Variants in SYT15 observed in about 807,000 individuals in gnomAD.
The protein encoded by SYT15 is synaptotagmin-15.
Under a neutral mutation model 30.1 loss-of-function variants are expected in SYT15, and 4 were observed. The observed-to-expected ratio is 0.13, with a 90% CI of 0.07 to 0.30. The LOEUF is 0.30. Ranked by LOEUF, SYT15 falls within the 10% of genes least tolerant of loss-of-function variation. The pLI, the probability that SYT15 is intolerant of heterozygous loss-of-function variation, is 1.00. For missense variants in SYT15, 49 were observed against 371.7 expected, an observed-to-expected ratio of 0.13 and a Z score of 7.14; for synonymous variants, 19 against 166.3, an observed-to-expected ratio of 0.11 and a Z score of 6.82.
At chr10:46,595,190 C>T (rs1443567582), downstream of SYT15, among the ~76,000 whole-genome samples, 8 of 130,132 alleles carry the variant, frequency 6.1e-5, no homozygotes, top group African/African-American at 9.5e-5. Context: ...TGCAGTGGCG[C>T]CATCTCAGCT....
intron 7 of SYT15, among the ~76,000 whole-genome samples, chr10:46,586,348 C>T (rs1318511630): frequency 6.1e-5 from 8 of 131,580 alleles, no homozygotes; most frequent in African/African-American, 2.0e-4. Flanking sequence ...AGATCGAGAC[C>T]GTCCTGGCTA....
intron 2 of SYT15, 74 bp from the exon 3 acceptor site, chr10:46,580,820 A>G: frequency 1.6e-6 from 2 of 1,287,544 alleles, no homozygotes; most frequent in Non-Finnish European, 2.1e-6. Flanking sequence ...CTGGTGCTCA[A>G]CCGTCCTGGC....
At chr10:46,597,050 A>C (rs1262544416), downstream of SYT15, among the ~76,000 whole-genome samples, 2 of 142,662 alleles carry the variant, frequency 1.4e-5, no homozygotes, top group Non-Finnish European at 3.0e-5. Context: ...TGACCTGCAG[A>C]GTAAGTTTGA....
rs782314025 is a variant in SYT15 at position 46,581,975 on chromosome 10, C to A, written c.435C>A (p.Asp145Glu). 9.5e-6 allele frequency: 15 copies of A among 1,572,860 alleles called. 1 individual carries two copies. The Admixed American group carries it at 2.6e-4, about 27-fold the overall frequency. ...ACAAAAGTGAGACCGACTTCCCCGACGGCTGCCTGGGGCGGCTGTGGTTCT... is the reference window on the plus strand; with the variant it reads ...ACAAAAGTGAGACCGACTTCCCCGAAGGCTGCCTGGGGCGGCTGTGGTTCT... Reference protein sequence around the residue: ...PEDKSETDFPDGCLGRLWFSV... With the variant: ...PEDKSETDFPEGCLGRLWFSV... The change falls in exon 4 of 8, where the codon GAC (aspartate) becomes GAA (glutamate). Residue 145 changes from aspartate (D) to glutamate (E), a missense_variant. Physicochemically the swap from Asp to Glu is conservative, Grantham distance 45. Coordinates refer to ENST00000374321, the MANE Select transcript of SYT15 (RefSeq NM_031912.5).
chr10:46,595,321 CCTTT>C (rs1208502400), downstream of SYT15, among the ~76,000 whole-genome samples: 163 of 149,362 alleles, frequency 1.1e-3, no homozygotes, highest in African/African-American at 4.0e-3. Context: ...TCCTTTCTTT[CCTTT>C]CTTTCTTTCA....
At chr10:46,596,026 C>G (rs1298728542), downstream of SYT15, 2 of 146,340 alleles carry the variant, frequency 1.4e-5, no homozygotes, top group Non-Finnish European at 3.0e-5. Context: ...AACTGCAACA[C>G]TACAGGGCAA....
chr10:46,581,990 GC>G lies in SYT15; in HGVS notation c.451del (p.Leu151CysfsTer18), dbSNP rs782048602. ...ACTTCCCCGACGGCTGCCTGGGGCG[GC>G]TGTGGTTCTCGGTGGAATATGAGCA... is the stretch of plus-strand genomic sequence containing the variant. ...TDFPDGCLGR[L>X]WFSVEYEQEA... On this transcript the variant is annotated frameshift_variant, in exon 4 of 8. Coordinates refer to ENST00000374321, the MANE Select transcript of SYT15 (RefSeq NM_031912.5). LOFTEE classifies it high-confidence loss of function. The G allele has an allele frequency of 1.9e-6, 3 of 1,580,476 alleles. No individual in the cohort carries two copies. The African/African-American group carries it at 4.6e-5, about 24-fold the overall frequency.
chr10:46,596,783 A>G (rs1288671124), downstream of SYT15: 2 of 431,282 alleles, frequency 4.6e-6, no homozygotes, highest in East Asian at 7.1e-5. Context: ...CTACCCGCCC[A>G]ATGCCTGGAG....
chr10:46,582,218 T>G (rs781909782), intron 4 of SYT15, 27 bp downstream of exon 4: 2 of 1,609,536 alleles, frequency 1.2e-6, no homozygotes, highest in African/African-American at 2.7e-5. Flanking sequence ...AGGCAGGGTC[T>G]GGTGCCCTCC....
In SYT15 at chr10:46,591,372, G is replaced by GTAAA. The variant is rs782513544; in HGVS notation, c.*3742_*3745dup. The stretch of plus-strand genomic sequence containing the variant: ...GACTCTGTCTCCAAAAATAAAATAA[G>GTAAA]TAAATAAATAAATAAATAAAATTTA... On this transcript the variant is annotated 3_prime_UTR_variant, in exon 8 of 8. Transcript: ENST00000374321. 1.9e-4 allele frequency: 14 copies of GTAAA among 71,886 alleles called. No individual in the cohort carries two copies. Among genetic ancestry groups the GTAAA allele is most frequent in the African/African-American group, 3.3e-4 (5 of 15,340 alleles). The allele number at this position is 71,886 out of a possible 1,614,324, so 4.5% of individuals were successfully genotyped here.
intron 3 of SYT15, 59 bp downstream of exon 3, chr10:46,581,095 CT>C: frequency 5.2e-6 from 3 of 571,560 alleles, no homozygotes; most frequent in Non-Finnish European, 8.8e-6. Context: ...GCCCCATCTG[CT>C]TTCACCAGCT....
At chr10:46,579,974 CTG>C (rs1404022132) in intron 1 of SYT15, among the ~76,000 whole-genome samples, 188 bp from the exon 2 acceptor site, 1 of 82,864 alleles carries the variant, frequency 1.2e-5, no homozygotes, top group Non-Finnish European at 2.3e-5. Context: ...GGCTTCTCCT[CTG>C]AGAGCTGGCG....
chr10:46,586,241 C>A (rs1417501085), intron 7 of SYT15, among the ~76,000 whole-genome samples: 11 of 21,642 alleles, frequency 5.1e-4, no homozygotes, highest in African/African-American at 9.1e-4. Context: ...CTGAATCTGT[C>A]AAAAAAAAAA....
chr10:46,588,734 C>T lies in SYT15; in HGVS notation c.*1087C>T, dbSNP rs1845229262. 6 of 839,872 alleles carry T rather than the reference C, an allele frequency of 7.1e-6. No homozygotes were observed. Among genetic ancestry groups the T allele is most frequent in the Non-Finnish European group, 8.4e-6 (6 of 712,100 alleles). 52.0% of individuals were successfully genotyped at this position (839,872 alleles called of 1,614,324 possible). On this transcript the variant is annotated 3_prime_UTR_variant, in exon 8 of 8. Transcript: ENST00000374321. ...TTTTGAGACGGAGTTTCCCTCTTGT[C>T]ACCCAGGCTGGAGTGCAATGGCGTG...
At chr10:46,596,995 A>G (rs1845709873), downstream of SYT15, 2 of 309,046 alleles carry the variant, frequency 6.5e-6, 1 homozygote, top group African/African-American at 5.1e-5. Context: ...TGATCCAGAA[A>G]GTCACAGAAC....
Position 46,591,931 on chromosome 10 carries a change from AATG to A in SYT15, c.*4288_*4290del, listed in dbSNP as rs1845459016. On this transcript the variant is annotated 3_prime_UTR_variant, in exon 8 of 8. Transcript: ENST00000374321. ...ATTTTTGAATTTTCAATGTTCTTAT[AATG>A]ATGTCATGTCTCTTGAATAGAGTTG... 7.4e-6 allele frequency: 1 copy of A among 135,088 alleles called. No homozygotes were observed. The highest frequency in any genetic ancestry group is 1.6e-5 in the Non-Finnish European group (1 of 63,614). The allele number at this position is 135,088 out of a possible 1,614,324, so 8.4% of individuals were successfully genotyped here. A position where few individuals can be genotyped will look rare whatever the true frequency, so the allele number is the denominator to read the frequency against.
chr10:46,586,376 C>T lies in SYT15; in HGVS notation c.1123+599C>T, dbSNP rs1844929787. On this transcript the variant is annotated intron_variant, in intron 7 of 7. Coordinates refer to ENST00000374321, the MANE Select transcript of SYT15 (RefSeq NM_031912.5). ...CCTGGCTAACACAGTGAAACCACGT[C>T]TCTACTAAAAATACAAAAAATTAGC... 2.3e-5 allele frequency among the ~76,000 whole-genome samples: 3 copies of T among 127,992 alleles called. No homozygotes were observed. The South Asian group carries it at 7.5e-4, about 32-fold the overall frequency. The allele number at this position is 127,992 out of a possible 152,430, so 84.0% of individuals were successfully genotyped here.
At position 46,585,792 on chromosome 10, in the gene SYT15, TAC is replaced by T. The variant is rs1555040471; in HGVS notation, c.1123+16_1123+17del. 1 of 350,722 alleles carries T rather than the reference TAC, an allele frequency of 2.9e-6. No homozygotes were observed. Among genetic ancestry groups the T allele is most frequent in the Non-Finnish European group, 5.0e-6 (1 of 198,908 alleles). 21.7% of individuals were successfully genotyped at this position (350,722 alleles called of 1,614,324 possible). A position where few individuals can be genotyped will look rare whatever the true frequency, so the allele number is the denominator to read the frequency against. ...GGAAGGGGACAGTAAGGCCACACCC[TAC>T]CCTGGGCTGCTGGGATGGGGACCAC... On this transcript the variant is annotated intron_variant, in intron 7 of 7. Coordinates refer to ENST00000374321, the MANE Select transcript of SYT15 (RefSeq NM_031912.5).
At chr10:46,594,661 G>A (rs1382493588), downstream of SYT15, among the ~76,000 whole-genome samples, 4 of 137,446 alleles carry the variant, frequency 2.9e-5, no homozygotes, top group Non-Finnish European at 4.6e-5. Context: ...CCAAATGCTC[G>A]GCCTCTTAGC....
Sources: allele counts gnomAD v4.1 joint callset (sites outside exome capture counted in the v4.1 genomes callset), GRCh38; gene constraint gnomAD v4.1.1; transcripts MANE v1.5; gene names NCBI Gene and HGNC (gene_info 2026-07-23, HGNC 2026-07-21).